Variants in FBXL7 observed in about 807,000 individuals in gnomAD.
FBXL7 encodes F-box and leucine rich repeat protein 7.
In FBXL7, 12 loss-of-function variants were observed where a neutral mutation model predicts 38.3. The ratio of observed to expected loss-of-function variants is 0.31; its 90% CI spans 0.20 to 0.51. The LOEUF (loss-of-function observed/expected upper bound fraction) is 0.51. FBXL7 is among the 20% of genes least tolerant of loss of function. The probability of loss-of-function intolerance (pLI) is 0.98; values close to 1 mark genes in which losing one functional copy is unlikely to be tolerated. For synonymous variants in FBXL7, 297 were observed against 300.9 expected (o/e 0.99, Z 0.13); for missense variants, 567 against 676.4 (o/e 0.84, Z 1.79).
chr5:15,865,404 G>A (rs1406211743), intron 2 of FBXL7, among the ~76,000 whole-genome samples: 4 of 152,188 alleles, frequency 2.6e-5, no homozygotes, highest in Non-Finnish European at 5.9e-5. Flanking sequence ...TGTTCGAAGA[G>A]GGCTTTAAAG....
chr5:15,619,988 C>T (rs950131765), intron 2 of FBXL7, among the ~76,000 whole-genome samples: 2 of 152,102 alleles, frequency 1.3e-5, no homozygotes, highest in Non-Finnish European at 2.9e-5. Flanking sequence ...ACAGAGGGCC[C>T]TCACATAACC....
At chr5:15,505,364 C>T (rs769515553) in intron 1 of FBXL7, among the ~76,000 whole-genome samples, 13 of 152,042 alleles carry the variant, frequency 8.6e-5, no homozygotes, top group East Asian at 1.9e-4. Context: ...AATGGGGACC[C>T]GGGGCCAGCT....
intron 1 of FBXL7, among the ~76,000 whole-genome samples, chr5:15,593,952 A>T (rs1219323875): frequency 6.6e-6 from 1 of 152,208 alleles, no homozygotes; most frequent in Non-Finnish European, 1.5e-5. Flanking sequence ...ACCATATGAC[A>T]GTGTTGATTT....
intron 2 of FBXL7, among the ~76,000 whole-genome samples, chr5:15,727,475 T>G (rs991565366): frequency 6.6e-6 from 1 of 152,214 alleles, no homozygotes; most frequent in Admixed American, 6.5e-5. Flanking sequence ...TTGCCAGATA[T>G]TGGATTCTTG....
At position 15,804,949 on chromosome 5, in the gene FBXL7, G is replaced by A. The variant is rs148946948; in HGVS notation, c.128-122941G>A. Among the ~76,000 whole-genome samples, 316 of 152,266 alleles carry A rather than the reference G, an allele frequency of 2.1e-3. 2 individuals carry two copies. Among genetic ancestry groups the A allele is most frequent in the African/African-American group, 7.2e-3 (299 of 41,556 alleles). On this transcript the variant is annotated intron_variant, in intron 2 of 3. Transcript: ENST00000504595. ...AATAACAGAAATATGTTTTCTCACAGTTCTGGGTGCCAGAGGGCCAAGATC... is the reference window on the plus strand; with the variant it reads ...AATAACAGAAATATGTTTTCTCACAATTCTGGGTGCCAGAGGGCCAAGATC...
chr5:15,753,524 T>C (rs1561112973), intron 2 of FBXL7, among the ~76,000 whole-genome samples: 1 of 152,206 alleles, frequency 6.6e-6, no homozygotes, highest in East Asian at 1.9e-4. Flanking sequence ...TTTATTTTAA[T>C]TGGGAGAGAA....
intron 2 of FBXL7, among the ~76,000 whole-genome samples, chr5:15,711,248 A>T (rs1304857167): frequency 6.6e-6 from 1 of 152,180 alleles, no homozygotes; most frequent in African/African-American, 2.4e-5. Context: ...TACTTGCCTC[A>T]TCCAGCTTCT....
chr5:15,823,710 C>G (rs1384090554), intron 2 of FBXL7, among the ~76,000 whole-genome samples: 1 of 152,098 alleles, frequency 6.6e-6, no homozygotes, highest in Non-Finnish European at 1.5e-5. Context: ...CCTGTGCCCT[C>G]CAGCAAGCCG....
chr5:15,864,868 G>A (rs759495037), intron 2 of FBXL7, among the ~76,000 whole-genome samples: 1 of 152,280 alleles, frequency 6.6e-6, no homozygotes, highest in Non-Finnish European at 1.5e-5. Flanking sequence ...GCAGGGAAAA[G>A]AATGCAAGCT....
intron 2 of FBXL7, among the ~76,000 whole-genome samples, chr5:15,820,089 CTTGT>C (rs1318040222): frequency 6.6e-6 from 1 of 152,158 alleles, no homozygotes; most frequent in Non-Finnish European, 1.5e-5. Context: ...ACATGGAGTC[CTTGT>C]TTGTTTGCTG....
At chr5:15,768,312 A>C (rs1397895751) in intron 2 of FBXL7, among the ~76,000 whole-genome samples, 1 of 152,098 alleles carries the variant, frequency 6.6e-6, no homozygotes, top group Non-Finnish European at 1.5e-5. Context: ...CAGGTGGATC[A>C]TGAGGTCAGG....
chr5:15,780,190 G>A (rs557190463), intron 2 of FBXL7, among the ~76,000 whole-genome samples: 2 of 152,244 alleles, frequency 1.3e-5, no homozygotes, highest in Admixed American at 6.5e-5. Context: ...AGCAAGATTA[G>A]TGGTAAATAT....
intron 1 of FBXL7, among the ~76,000 whole-genome samples, chr5:15,537,727 G>T (rs1053338841): frequency 1.3e-5 from 2 of 152,260 alleles, no homozygotes; most frequent in African/African-American, 2.4e-5. Context: ...AAGCAAAGGA[G>T]AGAGTGTGTG....
chr5:15,763,583 C>G (rs1420867792), intron 2 of FBXL7, among the ~76,000 whole-genome samples: 1 of 152,142 alleles, frequency 6.6e-6, no homozygotes, highest in Admixed American at 6.5e-5. Flanking sequence ...TAATAGCAAT[C>G]TCATAATATT....
At chr5:15,544,755 T>C (rs1043131932) in intron 1 of FBXL7, among the ~76,000 whole-genome samples, 2 of 152,208 alleles carry the variant, frequency 1.3e-5, no homozygotes, top group African/African-American at 2.4e-5. Flanking sequence ...GGAACATTCA[T>C]TGTGGCCCTT....
rs1324270280 is a variant in FBXL7, at chr5:15,889,550, T to C, written c.128-38340T>C. 2.0e-5 allele frequency among the ~76,000 whole-genome samples: 3 copies of C among 152,290 alleles called. No individual in the cohort carries two copies. In the East Asian group the frequency reaches 5.8e-4, roughly 29 times the overall value. ...ACCTGCATCAAATGTATGCCAGTGA[T>C]GTTTGGATGGCCTAAATCAGCAGTT... On this transcript the variant is annotated intron_variant, in intron 2 of 3. Transcript: ENST00000504595.
At chr5:15,765,013 A>G (rs773252488) in intron 2 of FBXL7, among the ~76,000 whole-genome samples, 2 of 152,246 alleles carry the variant, frequency 1.3e-5, no homozygotes, top group Non-Finnish European at 2.9e-5. Flanking sequence ...GTAATTAAAT[A>G]AAATTATTGT....
intron 1 of FBXL7, chr5:15,607,491 C>T (rs1740067089): frequency 6.6e-6 from 1 of 152,094 alleles, no homozygotes; most frequent in Non-Finnish European, 1.5e-5. Flanking sequence ...CTGTCTTGAG[C>T]ACTAGAAATG....
At chr5:15,609,194 C>T (rs1432387389) in intron 1 of FBXL7, among the ~76,000 whole-genome samples, 1 of 152,070 alleles carries the variant, frequency 6.6e-6, no homozygotes, top group Non-Finnish European at 1.5e-5. Context: ...ACTGGGCTGC[C>T]CATTTCACCT....
Sources: gnomAD v4.1 joint callset for allele counts (sites outside exome capture counted in the v4.1 genomes callset) on GRCh38, gnomAD v4.1.1 for gene constraint, MANE v1.5 for transcripts, NCBI Gene and HGNC (gene_info 2026-07-23, HGNC 2026-07-21) for gene names.